The following LTBP1 variants were observed in gnomAD, a reference collection of about 807,000 sequenced individuals.
The protein encoded by LTBP1 is latent transforming growth factor beta binding protein 1.
LTBP1 carries 129 observed loss-of-function variants against 207.6 expected under a neutral mutation model. The observed-to-expected ratio is 0.62, with a 90% CI of 0.54 to 0.72. LTBP1 has a LOEUF of 0.72. Among genes scored for constraint, LTBP1 ranks in the 30% least tolerant of loss-of-function variants. The pLI is 0.00. For synonymous variants in LTBP1, 963 were observed against 833.7 expected (o/e 1.16, Z -2.67); for missense variants, 2,281 against 2,217.2 (o/e 1.03, Z -0.58).
intron 3 of LTBP1, among the ~76,000 whole-genome samples, chr2:33,089,481 C>G (rs977319914): frequency 6.6e-6 from 1 of 152,156 alleles, no homozygotes; most frequent in African/African-American, 2.4e-5. Flanking sequence ...ATCTAGTGGG[C>G]AGAGGCCACC....
intron 7 of LTBP1, among the ~76,000 whole-genome samples, chr2:33,200,230 A>G (rs1425226834): frequency 2.6e-5 from 4 of 152,226 alleles, no homozygotes; most frequent in Non-Finnish European, 4.4e-5. Context: ...AAACTATACT[A>G]CAAGGCTACA....
chr2:33,189,363 C>T (rs570899145), intron 7 of LTBP1, among the ~76,000 whole-genome samples: 10 of 152,178 alleles, frequency 6.6e-5, no homozygotes, highest in African/African-American at 2.2e-4. Flanking sequence ...TCTCAGCTAA[C>T]GTTTATAATT....
At chr2:33,248,336 A>AT (rs778524953) in intron 10 of LTBP1, among the ~76,000 whole-genome samples, 31 of 152,316 alleles carry the variant, frequency 2.0e-4, no homozygotes, top group Non-Finnish European at 1.9e-4. Flanking sequence ...GAATTAAGGC[A>AT]TAGAGGGGTT....
intron 9 of LTBP1, among the ~76,000 whole-genome samples, chr2:33,243,273 A>T (rs2149775561): frequency 6.6e-6 from 1 of 152,204 alleles, no homozygotes; most frequent in African/African-American, 2.4e-5. Context: ...ACTGCTTTTC[A>T]CTTCTTAAGT....
At position 33,188,688 on chromosome 2, in the gene LTBP1, A is replaced by C; in HGVS notation, c.1538A>C (p.Glu513Ala). The change falls in exon 7 of 34, where the codon GAA becomes GCA. Residue 513 changes from glutamate to alanine, a missense_variant. By Grantham distance (107) the Glu-to-Ala change is moderately radical. Around this residue, in one of 3 missense-constraint regions of LTBP1, gnomAD observed 1,671 missense variants for 1,634.8 expected, o/e 1.02. Transcript: ENST00000404816. The part of the protein sequence containing the change: ...IDGPTGQKTK[E>A]AQPGQSQVSY... The stretch of plus-strand genomic sequence containing the variant: ...GGCCCAACAGGCCAGAAGACAAAAG[A>C]AGCTCAACCAGGCCAATCCCAAGTC... The C allele has an allele frequency of 1.2e-6, 2 of 1,614,154 alleles. No homozygotes were observed. Among genetic ancestry groups the C allele is most frequent in the Non-Finnish European group, 1.7e-6 (2 of 1,180,022 alleles).
chr2:33,389,695 A>G (rs2095298797), intron 32 of LTBP1, among the ~76,000 whole-genome samples: 1 of 152,232 alleles, frequency 6.6e-6, no homozygotes, highest in African/African-American at 2.4e-5. Flanking sequence ...GCTGGAGTGC[A>G]GTGGCACGAT....
intron 2 of LTBP1, among the ~76,000 whole-genome samples, chr2:33,003,552 G>A (rs186267923): frequency 1.4e-4 from 22 of 152,326 alleles, no homozygotes; most frequent in African/African-American, 4.8e-4. Flanking sequence ...GGTGACGGCA[G>A]AACTTGAAGC....
chr2:33,073,905 G>A (rs184232968), intron 3 of LTBP1, among the ~76,000 whole-genome samples: 2 of 152,334 alleles, frequency 1.3e-5, no homozygotes, highest in African/African-American at 4.8e-5. Flanking sequence ...GGGATTGCAG[G>A]TGTGAGCCAC....
intron 19 of LTBP1, among the ~76,000 whole-genome samples, chr2:33,290,514 G>GA (rs1463595701): frequency 6.6e-6 from 1 of 152,162 alleles, no homozygotes; most frequent in African/African-American, 2.4e-5. Context: ...TTGTATTTTA[G>GA]AAAAAAGTTT....
At chr2:33,049,450 C>T (rs1441120995) in intron 3 of LTBP1, among the ~76,000 whole-genome samples, 3 of 152,006 alleles carry the variant, frequency 2.0e-5, no homozygotes, top group South Asian at 4.1e-4. Flanking sequence ...TGAGCTAGGC[C>T]GGACACTAAA....
At chr2:33,311,029 G>A (rs535175538) in intron 23 of LTBP1, among the ~76,000 whole-genome samples, 1 of 152,062 alleles carries the variant, frequency 6.6e-6, no homozygotes, top group Non-Finnish European at 1.5e-5. Context: ...GAATATGTAT[G>A]ATTTTTTTAA....
At chr2:33,370,440 G>A (rs1045672871) in intron 31 of LTBP1, among the ~76,000 whole-genome samples, 5 of 152,158 alleles carry the variant, frequency 3.3e-5, no homozygotes, top group Non-Finnish European at 7.4e-5. Context: ...AAAAGATGGG[G>A]CGGGGCGCGA....
At chr2:33,160,060 G>A (rs776222572) in intron 5 of LTBP1, among the ~76,000 whole-genome samples, 2 of 152,016 alleles carry the variant, frequency 1.3e-5, no homozygotes, top group Non-Finnish European at 2.9e-5. Context: ...TGTATTTTTG[G>A]TAGAGATGGG....
intron 15 of LTBP1, among the ~76,000 whole-genome samples, chr2:33,264,637 G>A (rs1038245610): frequency 1.5e-4 from 23 of 152,222 alleles, no homozygotes; most frequent in Admixed American, 3.3e-4. Flanking sequence ...AGAAAATTTC[G>A]ACTTTCCTGG....
intron 3 of LTBP1, among the ~76,000 whole-genome samples, chr2:33,053,375 G>A (rs2076839266): frequency 6.6e-6 from 1 of 152,116 alleles, no homozygotes; most frequent in South Asian, 2.1e-4. Context: ...CAAAGTCCTA[G>A]GGTTCACCCT....
chr2:33,300,395 C>G (rs2093964495), intron 20 of LTBP1, 56 bp from the exon 21 acceptor site: 1 of 1,572,684 alleles, frequency 6.4e-7, no homozygotes, highest in African/African-American at 1.3e-5. Context: ...GCAGGGAGCA[C>G]TGCATTCTCC....
At chr2:33,169,752 A>C (rs2085252871) in intron 5 of LTBP1, among the ~76,000 whole-genome samples, 1 of 152,374 alleles carries the variant, frequency 6.6e-6, no homozygotes, top group Admixed American at 6.5e-5. Context: ...CTTAAAGTTT[A>C]TGATCCATAA....
chr2:33,020,921 C>CGCCATGTCAGAAT lies in LTBP1; in HGVS notation c.580_592dup (p.Gly198AlafsTer17), dbSNP rs1558523354. Reference sequence around the variant, plus strand: ...TTTCTTTCTGCAGCTAGCTGTGTTCCGCCATGTCAGAATGGAGGGATGTGT... The same window carrying CGCCATGTCAGAAT: ...TTTCTTTCTGCAGCTAGCTGTGTTCCGCCATGTCAGAATGCCATGTCAGAATGGAGGGATGTGT... On this transcript the variant is annotated frameshift_variant, in exon 3 of 34. Coordinates refer to ENST00000404816, the MANE Select transcript of LTBP1 (RefSeq NM_206943.4). LOFTEE classifies it high-confidence loss of function. 6.3e-7 allele frequency: 1 copy of CGCCATGTCAGAAT among 1,584,440 alleles called. No homozygotes were observed. Among genetic ancestry groups the CGCCATGTCAGAAT allele is most frequent in the Non-Finnish European group, 8.6e-7 (1 of 1,159,402 alleles).
intron 3 of LTBP1, among the ~76,000 whole-genome samples, chr2:33,053,562 T>G (rs1307014853): frequency 6.6e-6 from 1 of 152,174 alleles, no homozygotes; most frequent in Admixed American, 6.5e-5. Flanking sequence ...ATTTGCCGTC[T>G]GGGTTTCCTT....
Sources: allele counts gnomAD v4.1 joint callset (sites outside exome capture counted in the v4.1 genomes callset), GRCh38; gene constraint gnomAD v4.1.1; regional missense constraint gnomAD v4.1.1; transcripts MANE v1.5; gene names NCBI Gene and HGNC (gene_info 2026-07-23, HGNC 2026-07-21).